Variants in MGST1 observed in about 807,000 individuals in gnomAD.
MGST1 encodes microsomal glutathione S-transferase 1.
MGST1 carries 5 observed loss-of-function variants against 8.9 expected under a neutral mutation model. That is an observed-to-expected ratio of 0.56 (90% confidence interval 0.29 to 1.19). MGST1 has a LOEUF of 1.19. Among genes scored for constraint, MGST1 ranks in the 50% most tolerant of loss-of-function variants. MGST1 has a pLI of 0.08. For synonymous variants in MGST1, 54 were observed against 67.8 expected, an observed-to-expected ratio of 0.80 and a Z score of 1.00; for missense variants, 182 against 187.4, an observed-to-expected ratio of 0.97 and a Z score of 0.17.
At chr12:16,359,484 CAG>C (rs1173654027) in intron 3 of MGST1, among the ~76,000 whole-genome samples, 5 of 152,152 alleles carry the variant, frequency 3.3e-5, no homozygotes, top group Non-Finnish European at 7.3e-5. Context: ...CTGAGTAAAT[CAG>C]TGAGTCTTGA....
intron 4 of MGST1, chr12:16,567,569 GGAT>G (rs34242538): frequency 0.027 from 4,170 of 152,298 alleles, 84 homozygotes; most frequent in Middle Eastern, 0.075. Context: ...GGTCATCGTG[GGAT>G]GATGTTAGAG....
At chr12:16,553,077 A>G (rs1399475273) in intron 4 of MGST1, among the ~76,000 whole-genome samples, 1 of 152,128 alleles carries the variant, frequency 6.6e-6, no homozygotes, top group Non-Finnish European at 1.5e-5. Context: ...AACATAGGTA[A>G]AATAGCCACC....
intron 1 of MGST1, among the ~76,000 whole-genome samples, chr12:16,385,648 A>T (rs1940498122): frequency 6.6e-6 from 1 of 151,596 alleles, no homozygotes; most frequent in South Asian, 2.1e-4. Context: ...TTTCAGACCT[A>T]CCATCAAAGC....
intron 1 of MGST1, among the ~76,000 whole-genome samples, chr12:16,351,551 T>C (rs1286232948): frequency 1.3e-5 from 2 of 152,194 alleles, no homozygotes; most frequent in Non-Finnish European, 2.9e-5. Flanking sequence ...GGCTCATGCC[T>C]GTAATCCTAG....
chr12:16,468,342 G>T (rs1941267818), intron 4 of MGST1, among the ~76,000 whole-genome samples: 1 of 152,090 alleles, frequency 6.6e-6, no homozygotes, highest in Admixed American at 6.6e-5. Context: ...TTCAAACATA[G>T]AAATTATACT....
chr12:16,586,024 G>A lies in MGST1; in HGVS notation n.483-3504G>A, dbSNP rs907555717. Among the ~76,000 whole-genome samples the A allele has an allele frequency of 1.8e-4, 27 of 152,106 alleles. No homozygotes were observed. Among genetic ancestry groups the A allele is most frequent in the African/African-American group, 6.3e-4 (26 of 41,418 alleles). On this transcript the variant is annotated intron_variant and non_coding_transcript_variant, in intron 4 of 4. Transcript: ENST00000538857. This position sits in a 1 kb window ranked among gnomAD's most constrained non-coding sequence, Gnocchi z 4.3. The stretch of plus-strand genomic sequence containing the variant: ...TCCTTAGGACACTGATGTTTTTGCA[G>A]CTGTTAATGAAAATCTTCAACACAG...
At chr12:16,384,409 A>G (rs571096780) in intron 1 of MGST1, among the ~76,000 whole-genome samples, 7 of 152,316 alleles carry the variant, frequency 4.6e-5, no homozygotes, top group African/African-American at 1.7e-4. Context: ...AAACAGATGC[A>G]GAGACACAGA....
chr12:16,446,670 T>G (rs1459353058), intron 4 of MGST1, among the ~76,000 whole-genome samples: 1 of 151,844 alleles, frequency 6.6e-6, no homozygotes, highest in Non-Finnish European at 1.5e-5. Context: ...TTCCATTTGT[T>G]CTGTGGCAAA....
Position 16,401,721 on chromosome 12 carries a change from G to T in MGST1, n.778+18117G>T. On this transcript the variant is annotated intron_variant and non_coding_transcript_variant, in intron 1 of 1. Transcript: ENST00000359720. This position sits in a 1 kb window ranked among gnomAD's most constrained non-coding sequence, Gnocchi z 4.3. Reference sequence around the variant, plus strand: ...ACACATTTCCACAGTAGAAGGGTCTGCCCCAGCAAGGTATTTTTTCTCTTC... The same window carrying T: ...ACACATTTCCACAGTAGAAGGGTCTTCCCCAGCAAGGTATTTTTTCTCTTC... 1 of 1,601,178 alleles carries T rather than the reference G, an allele frequency of 6.2e-7. No individual in the cohort carries two copies. Among genetic ancestry groups the T allele is most frequent in the South Asian group, 1.1e-5 (1 of 90,818 alleles).
chr12:16,391,321 C>G (rs533912776), intron 1 of MGST1, among the ~76,000 whole-genome samples: 1 of 151,550 alleles, frequency 6.6e-6, no homozygotes, highest in Non-Finnish European at 1.5e-5. Flanking sequence ...TCCCTTTCCC[C>G]CCACCCCCCG....
chr12:16,399,861 TA>T, intron 1 of MGST1: 1 of 1,230,600 alleles, frequency 8.1e-7, no homozygotes, highest in South Asian at 1.2e-5. Flanking sequence ...ACAATTACCA[TA>T]TCAAAGTTCT....
At chr12:16,552,337 T>G (rs1942020198) in intron 4 of MGST1, among the ~76,000 whole-genome samples, 1 of 152,036 alleles carries the variant, frequency 6.6e-6, no homozygotes, top group Non-Finnish European at 1.5e-5. Context: ...TGACCTTTGA[T>G]AGTAGTCTCT....
intron 3 of MGST1, among the ~76,000 whole-genome samples, chr12:16,375,189 T>G (rs529530591): frequency 6.6e-6 from 1 of 152,160 alleles, no homozygotes; most frequent in Non-Finnish European, 1.5e-5. Flanking sequence ...ACTGTTCTTA[T>G]GTTTTAAAAT....
At chr12:16,591,020 TG>T (rs2137620662), downstream of MGST1, among the ~76,000 whole-genome samples, 1 of 152,188 alleles carries the variant, frequency 6.6e-6, no homozygotes, top group Non-Finnish European at 1.5e-5. The surrounding 1 kb of genome is among the most constrained non-coding windows in gnomAD (Gnocchi z 4.1). Context: ...CAAATGAAAT[TG>T]ATTTCACAAC....
intron 1 of MGST1, among the ~76,000 whole-genome samples, chr12:16,419,734 A>C (rs150144648): frequency 1.2e-3 from 185 of 152,278 alleles, no homozygotes; most frequent in African/African-American, 4.3e-3. Flanking sequence ...ATAGCTTGGA[A>C]GGTTATATAT....
chr12:16,499,675 G>T (rs563176693), intron 4 of MGST1, among the ~76,000 whole-genome samples: 2 of 151,046 alleles, frequency 1.3e-5, no homozygotes, highest in African/African-American at 2.4e-5. Context: ...CATTTGATTC[G>T]CTGTCTTATA....
chr12:16,402,874 G>C (rs979525703), intron 1 of MGST1, among the ~76,000 whole-genome samples: 2 of 150,772 alleles, frequency 1.3e-5, no homozygotes, highest in African/African-American at 4.9e-5. Context: ...TTTATAGAAA[G>C]AAGTATTGTG....
At chr12:16,358,731 G>T (rs371945833) in intron 3 of MGST1, among the ~76,000 whole-genome samples, 1 of 142,996 alleles carries the variant, frequency 7.0e-6, no homozygotes, top group Non-Finnish European at 1.5e-5. Context: ...GCCTCCCAAA[G>T]TGCTGGGATT....
intron 4 of MGST1, among the ~76,000 whole-genome samples, chr12:16,463,005 C>T (rs1249490415): frequency 6.6e-6 from 1 of 152,098 alleles, no homozygotes; most frequent in African/African-American, 2.4e-5. Context: ...TCTCTCCCAC[C>T]CTTTCTCTCT....
Sources: gnomAD v4.1 joint callset for allele counts (sites outside exome capture counted in the v4.1 genomes callset) on GRCh38, gnomAD v4.1.1 for gene constraint, Gnocchi (gnomAD v3.1) non-coding constraint, MANE v1.5 for transcripts, NCBI Gene and HGNC (gene_info 2026-07-23, HGNC 2026-07-21) for gene names.